Variants in CYLD observed in about 807,000 individuals in gnomAD.
The protein encoded by CYLD is ubiquitin carboxyl-terminal hydrolase CYLD.
CYLD carries 26 observed loss-of-function variants against 104.5 expected under a neutral mutation model. That is an observed-to-expected ratio of 0.25 (90% CI 0.18 to 0.35). CYLD has a LOEUF of 0.35. Among genes scored for constraint, CYLD ranks in the 10% least tolerant of loss-of-function variants. The pLI is 1.00. For synonymous variants in CYLD, 385 were observed against 399.9 expected, an observed-to-expected ratio of 0.96 and a Z score of 0.45; for missense variants, 703 against 1,136.1, an observed-to-expected ratio of 0.62 and a Z score of 5.48.
chr16:50,759,021 G>A (rs998905390), intron 5 of CYLD, among the ~76,000 whole-genome samples: 16 of 152,010 alleles, frequency 1.1e-4, no homozygotes, highest in Admixed American at 5.9e-4. Context: ...GGCAGATCAC[G>A]TGAGGTCAGG....
In CYLD at chr16:50,751,775, G is replaced by A. The variant is rs763792744; in HGVS notation, c.676G>A (p.Glu226Lys). Reference sequence around the variant, plus strand: ...AGGTCCTGGGGACACAATGCAGGTCGAACTTCCTCCTTTGGAAATAAACTC... The same window carrying A: ...AGGTCCTGGGGACACAATGCAGGTCAAACTTCCTCCTTTGGAAATAAACTC... ...YAGPGDTMQV[E>K]LPPLEINSRV... The change falls in exon 4 of 19, where the codon GAA (glutamate) becomes AAA (lysine). Residue 226 changes from glutamate to lysine, a missense_variant. By Grantham distance (56) the Glu-to-Lys change is moderately conservative. Coordinates refer to ENST00000427738, the MANE Select transcript of CYLD (RefSeq NM_001378743.1). 15 of 1,613,568 alleles carry A rather than the reference G, an allele frequency of 9.3e-6. No homozygotes were observed. The Admixed American group carries it at 1.2e-4, about 13-fold the overall frequency.
chr16:50,766,466 A>G (rs1021182412), intron 5 of CYLD, among the ~76,000 whole-genome samples: 1 of 152,222 alleles, frequency 6.6e-6, no homozygotes, highest in African/African-American at 2.4e-5. Context: ...CATGCTTGCT[A>G]GCACAATAAC....
At position 50,800,783 on chromosome 16, in the gene CYLD, T is replaced by G. The variant is rs1258152150; in HGVS notation, c.*4275T>G. The G allele has an allele frequency of 1.3e-5, 3 of 233,234 alleles. No individual in the cohort carries two copies. Among genetic ancestry groups the G allele is most frequent in the Admixed American group, 1.1e-4 (2 of 17,784 alleles). The allele number at this position is 233,234 out of a possible 1,614,324, so 14.4% of individuals were successfully genotyped here. A position where few individuals can be genotyped will look rare whatever the true frequency, so the allele number is the denominator to read the frequency against. ...AGGTCTTTTTAAAGTAGGTAGGCTA[T>G]AAGGCCTGTAATTTAAAATAATACT... is the stretch of plus-strand genomic sequence containing the variant. On this transcript the variant is annotated 3_prime_UTR_variant, in exon 19 of 19. Coordinates refer to ENST00000427738, the MANE Select transcript of CYLD (RefSeq NM_001378743.1).
chr16:50,762,333 T>C (rs1383461412), intron 5 of CYLD, among the ~76,000 whole-genome samples: 1 of 152,242 alleles, frequency 6.6e-6, no homozygotes, highest in African/African-American at 2.4e-5. Context: ...CGTTTTTACA[T>C]TTAAGTGTGT....
At chr16:50,752,746 A>C (rs1567423874) in intron 4 of CYLD, among the ~76,000 whole-genome samples, 2 of 152,190 alleles carry the variant, frequency 1.3e-5, no homozygotes, top group Non-Finnish European at 2.9e-5. Flanking sequence ...TAGGCTCCTC[A>C]TAAGAGTGGA....
chr16:50,796,172 T>G (rs1972030459), intron 18 of CYLD, 152 bp from the exon 19 acceptor site: 4 of 708,180 alleles, frequency 5.6e-6, no homozygotes, highest in South Asian at 5.6e-5. Flanking sequence ...ATGTCAAGGG[T>G]TAAAGGAGGC....
intron 5 of CYLD, among the ~76,000 whole-genome samples, chr16:50,762,044 G>T (rs908411163): frequency 6.6e-6 from 1 of 152,042 alleles, no homozygotes; most frequent in African/African-American, 2.4e-5. Flanking sequence ...TATTCATGGG[G>T]TACAAGTGTA....
intron 8 of CYLD, among the ~76,000 whole-genome samples, chr16:50,778,848 T>C (rs906126071): frequency 1.3e-5 from 2 of 150,750 alleles, no homozygotes; most frequent in African/African-American, 2.5e-5. Context: ...TCCTGTTTAA[T>C]TTTTTTTTAA....
chr16:50,754,872 T>C (rs1051839375), intron 5 of CYLD, among the ~76,000 whole-genome samples: 4 of 139,866 alleles, frequency 2.9e-5, no homozygotes, highest in Admixed American at 1.3e-4. Context: ...CACACACACA[T>C]ATGTATATAT....
At chr16:50,775,453 C>G (rs935381060) in intron 6 of CYLD, among the ~76,000 whole-genome samples, 1 of 152,112 alleles carries the variant, frequency 6.6e-6, no homozygotes, top group African/African-American at 2.4e-5. Flanking sequence ...GCATAATTCT[C>G]TATGTTTTCC....
intron 7 of CYLD, 137 bp from the exon 8 acceptor site, chr16:50,777,688 A>C: frequency 1.7e-6 from 1 of 574,390 alleles, no homozygotes; most frequent in Non-Finnish European, 3.1e-6. Context: ...CAGTTAAAAA[A>C]CATATTGTGT....
Position 50,794,812 on chromosome 16 carries a change from G to A in CYLD, c.2686+384G>A, listed in dbSNP as rs1971829788. Reference sequence around the variant, plus strand: ...ATTTTTGTATTTTTAGTAGAGATGGGCTTCTGCCATGTTGCCCAAGCTGGT... The same window carrying A: ...ATTTTTGTATTTTTAGTAGAGATGGACTTCTGCCATGTTGCCCAAGCTGGT... On this transcript the variant is annotated intron_variant, in intron 18 of 18. Coordinates refer to ENST00000427738, the MANE Select transcript of CYLD (RefSeq NM_001378743.1). The surrounding 1 kb of genome is among the most constrained non-coding windows in gnomAD (Gnocchi z 4.1). 3.2e-6 allele frequency: 1 copy of A among 310,522 alleles called. No individual in the cohort carries two copies. The highest frequency in any genetic ancestry group is 2.8e-5 in the South Asian group (1 of 35,172). 19.2% of individuals were successfully genotyped at this position (310,522 alleles called of 1,614,324 possible). A position where few individuals can be genotyped will look rare whatever the true frequency, so the allele number is the denominator to read the frequency against.
chr16:50,771,193 A>G (rs1969109808), intron 5 of CYLD, among the ~76,000 whole-genome samples: 1 of 148,250 alleles, frequency 6.7e-6, no homozygotes, highest in African/African-American at 2.4e-5. Flanking sequence ...AGACCCTGAC[A>G]ACCACTGATC....
chr16:50,761,896 T>A (rs899520876), intron 5 of CYLD, among the ~76,000 whole-genome samples: 1 of 152,214 alleles, frequency 6.6e-6, no homozygotes, highest in African/African-American at 2.4e-5. Context: ...TATTAAAAAG[T>A]CCCTCTTTAC....
At chr16:50,751,979 A>ATATATGT (rs1966664494) in intron 4 of CYLD, 73 bp downstream of exon 4, 1 of 339,620 alleles carries the variant, frequency 2.9e-6, no homozygotes, top group Admixed American at 5.2e-5. Context: ...TATATATATA[A>ATATATGT]ACATATATAT....
chr16:50,754,932 C>T (rs540015510), intron 5 of CYLD, among the ~76,000 whole-genome samples: 27 of 145,594 alleles, frequency 1.9e-4, no homozygotes, highest in Admixed American at 1.5e-3. Flanking sequence ...TATATACACA[C>T]ATATGTATAT....
chr16:50,768,443 T>C (rs1322917166), intron 5 of CYLD, among the ~76,000 whole-genome samples: 1 of 152,156 alleles, frequency 6.6e-6, no homozygotes, highest in African/African-American at 2.4e-5. Context: ...ATTTACAGCA[T>C]TTAAAAAAGA....
chr16:50,801,260 C>T lies in CYLD; in HGVS notation c.*4752C>T, dbSNP rs1972441225. 4.3e-6 allele frequency: 1 copy of T among 233,370 alleles called. No individual in the cohort carries two copies. The highest frequency in any genetic ancestry group is 8.5e-6 in the Non-Finnish European group (1 of 118,076). The allele number at this position is 233,370 out of a possible 1,614,324, so 14.5% of individuals were successfully genotyped here. On this transcript the variant is annotated 3_prime_UTR_variant, in exon 19 of 19. Transcript: ENST00000427738. ...AAAAGTGGGAAAGGAAGGTCCTCCT[C>T]CTCCCTGATTGTAGCATCCAGCAGT...
At chr16:50,756,844 T>C (rs1380781733) in intron 5 of CYLD, among the ~76,000 whole-genome samples, 2 of 152,154 alleles carry the variant, frequency 1.3e-5, no homozygotes, top group Non-Finnish European at 2.9e-5. Context: ...GGACAACAAT[T>C]ACCAAAATCA....
Sources: gnomAD v4.1 joint callset for allele counts (sites outside exome capture counted in the v4.1 genomes callset) on GRCh38, gnomAD v4.1.1 for gene constraint, Gnocchi (gnomAD v3.1) non-coding constraint, MANE v1.5 for transcripts, NCBI Gene and HGNC (gene_info 2026-07-23, HGNC 2026-07-21) for gene names.